The following PATJ variants were observed in gnomAD, a reference collection of about 807,000 sequenced individuals.
The protein encoded by PATJ is PATJ crumbs cell polarity complex component.
In PATJ, 190 loss-of-function variants were observed where a neutral mutation model predicts 224.9. The ratio of observed to expected loss-of-function variants is 0.84; its 90% confidence interval spans 0.75 to 0.95. The LOEUF (loss-of-function observed/expected upper bound fraction) is 0.95, where lower values mean the gene tolerates loss of function less well. PATJ is among the 40% of genes least tolerant of loss of function. The probability of loss-of-function intolerance (pLI) is 0.00; values close to 1 mark genes in which losing one functional copy is unlikely to be tolerated. For synonymous variants in PATJ, 769 were observed against 820.3 expected, an observed-to-expected ratio of 0.94 and a Z score of 1.07; for missense variants, 2,121 against 2,270.3, an observed-to-expected ratio of 0.93 and a Z score of 1.34.
intron 17 of PATJ, among the ~76,000 whole-genome samples, chr1:61,837,106 G>A (rs1660307187): frequency 6.6e-6 from 1 of 152,130 alleles, no homozygotes. Flanking sequence ...TTTCATTGGT[G>A]TTTATGTACC....
intron 33 of PATJ, among the ~76,000 whole-genome samples, chr1:62,101,761 T>G (rs993367121): frequency 3.3e-5 from 5 of 152,222 alleles, no homozygotes; most frequent in African/African-American, 1.2e-4. Context: ...AGCAGAAGAC[T>G]TCCCATGTCT....
chr1:61,753,883 A>G (rs1334598170), intron 1 of PATJ, among the ~76,000 whole-genome samples: 1 of 150,650 alleles, frequency 6.6e-6, no homozygotes, highest in Non-Finnish European at 1.5e-5. Context: ...TAAATAAAAT[A>G]AATATAAAAT....
At chr1:62,055,754 T>C (rs1445956604) in intron 31 of PATJ, among the ~76,000 whole-genome samples, 1 of 152,130 alleles carries the variant, frequency 6.6e-6, no homozygotes, top group Non-Finnish European at 1.5e-5. Flanking sequence ...CAATTACTAA[T>C]GTATTAGGGT....
chr1:62,015,197 G>A (rs1297839113), intron 28 of PATJ, among the ~76,000 whole-genome samples: 11 of 151,822 alleles, frequency 7.2e-5, no homozygotes, highest in African/African-American at 2.7e-4. Flanking sequence ...CCAGCAACTC[G>A]GGAGGCTGAG....
At chr1:62,007,832 CT>C (rs1646183184) in intron 28 of PATJ, among the ~76,000 whole-genome samples, 1 of 152,216 alleles carries the variant, frequency 6.6e-6, no homozygotes, top group Non-Finnish European at 1.5e-5. Context: ...TCTATGAGGG[CT>C]CCATCCTCAT....
chr1:61,925,520 C>CA (rs908880277), intron 26 of PATJ, among the ~76,000 whole-genome samples: 20 of 152,160 alleles, frequency 1.3e-4, no homozygotes, highest in African/African-American at 4.3e-4. Context: ...GAGAAACTGT[C>CA]AAAAAAGCAA....
At chr1:62,022,453 G>A (rs1251856602) in intron 29 of PATJ, among the ~76,000 whole-genome samples, 2 of 152,012 alleles carry the variant, frequency 1.3e-5, no homozygotes, top group Non-Finnish European at 2.9e-5. Context: ...TTACAATCTG[G>A]GTGCTTGCTA....
At chr1:61,928,070 T>G (rs1426188089) in intron 27 of PATJ, among the ~76,000 whole-genome samples, 1 of 152,202 alleles carries the variant, frequency 6.6e-6, no homozygotes, top group Non-Finnish European at 1.5e-5. Context: ...CTATATTCCC[T>G]TCTAATCTTA....
intron 27 of PATJ, among the ~76,000 whole-genome samples, chr1:61,982,237 T>C (rs1001010861): frequency 3.3e-5 from 5 of 152,030 alleles, no homozygotes; most frequent in Non-Finnish European, 7.3e-5. Context: ...CTCAGTCTGC[T>C]AAGGTGCTAC....
chr1:62,152,860 C>T (rs201281353), intron 42 of PATJ, among the ~76,000 whole-genome samples: 102 of 151,708 alleles, frequency 6.7e-4, no homozygotes, highest in African/African-American at 2.4e-3. Context: ...AAAAACTGGC[C>T]GGGTGCAGTG....
At chr1:61,743,880 G>A (rs914521159) in intron 1 of PATJ, among the ~76,000 whole-genome samples, 1 of 152,198 alleles carries the variant, frequency 6.6e-6, no homozygotes, top group Non-Finnish European at 1.5e-5. Flanking sequence ...TATATGCATG[G>A]AAGAGGGGAG....
rs1235876253 is a variant in PATJ at position 62,018,061 on chromosome 1, CAT to C, written c.3959+119_3959+120del. ...GCGAAATCACTGTTCCTTCTAAAAA[CAT>C]ATATTCCTTTTGTAACTGTCACTTC... On this transcript the variant is annotated intron_variant, in intron 29 of 43. Coordinates refer to ENST00000642238, the MANE Select transcript of PATJ (RefSeq NM_001350145.3). This position sits in a 1 kb window ranked among gnomAD's most constrained non-coding sequence, Gnocchi z 4.2. 2 of 591,224 alleles carry C rather than the reference CAT, an allele frequency of 3.4e-6. No individual in the cohort carries two copies. The highest frequency in any genetic ancestry group is 3.7e-5 in the African/African-American group (2 of 54,276). 36.6% of individuals were successfully genotyped at this position (591,224 alleles called of 1,614,324 possible). A position where few individuals can be genotyped will look rare whatever the true frequency, so the allele number is the denominator to read the frequency against.
intron 7 of PATJ, among the ~76,000 whole-genome samples, chr1:61,777,724 T>TTTTC (rs765662896): frequency 4.7e-5 from 5 of 106,032 alleles, no homozygotes; most frequent in East Asian, 3.5e-4. Context: ...TTTTTTTTTT[T>TTTTC]TTTAGCATAG....
intron 28 of PATJ, among the ~76,000 whole-genome samples, chr1:62,016,905 G>T (rs1646799783): frequency 6.6e-6 from 1 of 152,126 alleles, no homozygotes. Flanking sequence ...AATTTGGTCT[G>T]TTTTCAACAT....
intron 22 of PATJ, among the ~76,000 whole-genome samples, chr1:61,892,296 G>A (rs1429906085): frequency 6.6e-6 from 1 of 152,242 alleles, no homozygotes; most frequent in African/African-American, 2.4e-5. Flanking sequence ...CATCATTTTT[G>A]GGTGCTGAGT....
chr1:61,875,197 T>G (rs1484993037), intron 20 of PATJ, 46 bp from the exon 21 acceptor site: 1 of 1,348,674 alleles, frequency 7.4e-7, no homozygotes, highest in Non-Finnish European at 1.0e-6. Flanking sequence ...AGTAATACAT[T>G]TTTTTCATAA....
chr1:61,828,064 T>C (rs1363540452), intron 16 of PATJ, among the ~76,000 whole-genome samples: 1 of 151,936 alleles, frequency 6.6e-6, no homozygotes, highest in African/African-American at 2.4e-5. Context: ...CTGACCATCA[T>C]GGAGAAACCC....
At chr1:61,758,472 C>G (rs1645777884) in intron 1 of PATJ, among the ~76,000 whole-genome samples, 1 of 152,054 alleles carries the variant, frequency 6.6e-6, no homozygotes, top group Admixed American at 6.6e-5. Context: ...ACTCAGCCTC[C>G]CGAATAGCTG....
At chr1:62,039,668 A>G (rs1651094170) in intron 30 of PATJ, among the ~76,000 whole-genome samples, 1 of 152,240 alleles carries the variant, frequency 6.6e-6, no homozygotes, top group African/African-American at 2.4e-5. Context: ...GGGGTCTGGT[A>G]TAAAGAAGGT....
Sources: allele counts gnomAD v4.1 joint callset (sites outside exome capture counted in the v4.1 genomes callset), GRCh38; gene constraint gnomAD v4.1.1; non-coding constraint Gnocchi (gnomAD v3.1); transcripts MANE v1.5; gene names NCBI Gene and HGNC (gene_info 2026-07-23, HGNC 2026-07-21).